The following GXYLT2 variants were observed in gnomAD, a reference collection of about 807,000 sequenced individuals.
The protein encoded by GXYLT2 is glycosyltransferase 8 domain containing 4.
In GXYLT2, 53 loss-of-function variants were observed where a neutral mutation model predicts 45.8. The ratio of observed to expected loss-of-function variants is 1.16; its 90% CI spans 0.93 to 1.46. The LOEUF (loss-of-function observed/expected upper bound fraction) is 1.46. Ranked by LOEUF, GXYLT2 falls within the 40% of genes most tolerant of loss-of-function variation. The probability of loss-of-function intolerance (pLI) is 0.00; values close to 1 mark genes in which losing one functional copy is unlikely to be tolerated. For missense variants in GXYLT2, 551 were observed against 544.4 expected (o/e 1.01, Z -0.12); for synonymous variants, 219 against 214.2 (o/e 1.02, Z -0.19).
At chr3:72,921,283 C>G (rs1482637971) in intron 2 of GXYLT2, among the ~76,000 whole-genome samples, 1 of 151,962 alleles carries the variant, frequency 6.6e-6, no homozygotes, top group African/African-American at 2.4e-5. Context: ...TAACAGAACA[C>G]AATGCAGTCA....
chr3:72,905,174 G>A (rs1448707499), intron 1 of GXYLT2, among the ~76,000 whole-genome samples: 1 of 151,784 alleles, frequency 6.6e-6, no homozygotes, highest in Non-Finnish European at 1.5e-5. Context: ...CTGGAGTGCA[G>A]TGGCACGATC....
At chr3:72,945,325 G>A (rs556037343) in intron 3 of GXYLT2, among the ~76,000 whole-genome samples, 5 of 141,460 alleles carry the variant, frequency 3.5e-5, no homozygotes, top group Admixed American at 6.9e-5. Context: ...AAATAATAGT[G>A]TTTCTGAGTG....
intron 1 of GXYLT2, among the ~76,000 whole-genome samples, chr3:72,899,256 A>G (rs1002191041): frequency 6.6e-6 from 1 of 152,162 alleles, no homozygotes; most frequent in Non-Finnish European, 1.5e-5. Context: ...CATGCGTTAG[A>G]CCTAGACTTT....
Position 72,976,546 on chromosome 3 carries a change from C to G in GXYLT2, c.*1387C>G, listed in dbSNP as rs977144368. On this transcript the variant is annotated 3_prime_UTR_variant, in exon 7 of 7. Coordinates refer to ENST00000389617, the MANE Select transcript of GXYLT2 (RefSeq NM_001080393.2). ...GGTCTCTTTAAACAATTTCTTTCCC[C>G]CTAGGGTTACCTAGCTGGTCCATAC... 6.6e-6 allele frequency: 1 copy of G among 152,056 alleles called. No individual in the cohort carries two copies. The highest frequency in any genetic ancestry group is 2.4e-5 in the African/African-American group (1 of 41,424). 9.4% of individuals were successfully genotyped at this position (152,056 alleles called of 1,614,324 possible).
intron 6 of GXYLT2, among the ~76,000 whole-genome samples, chr3:72,973,564 G>T (rs1226039774): frequency 1.3e-5 from 2 of 152,228 alleles, no homozygotes; most frequent in Non-Finnish European, 2.9e-5. Context: ...AAACACAAAG[G>T]CTATTTATTT....
intron 5 of GXYLT2, among the ~76,000 whole-genome samples, chr3:72,958,549 GT>G (rs1438340851): frequency 2.0e-5 from 3 of 151,580 alleles, no homozygotes; most frequent in African/African-American, 7.3e-5. Flanking sequence ...AAAAAAGCAG[GT>G]TGATACAGAG....
chr3:72,926,880 T>C (rs1709928402), intron 3 of GXYLT2: 1 of 152,200 alleles, frequency 6.6e-6, no homozygotes, highest in Non-Finnish European at 1.5e-5. Context: ...TTTAATAAGC[T>C]CCAAGGTTAT....
At chr3:72,928,163 G>A (rs943226384) in intron 3 of GXYLT2, among the ~76,000 whole-genome samples, 1 of 152,190 alleles carries the variant, frequency 6.6e-6, no homozygotes, top group African/African-American at 2.4e-5. Flanking sequence ...CTTCCAAAAT[G>A]GTGACATTAG....
In GXYLT2 at chr3:72,888,157, T is replaced by A. The variant is rs1042700484; in HGVS notation, c.-77T>A. The A allele has an allele frequency of 1.1e-5, 10 of 940,654 alleles. No individual in the cohort carries two copies. In the East Asian group the frequency reaches 5.9e-4, roughly 56 times the overall value. The allele number at this position is 940,654 out of a possible 1,614,324, so 58.3% of individuals were successfully genotyped here. ...GGAGGAGGCGACCGCCGCGCGCTGC[T>A]GCACTCATCCTGCCGCCGCCGCGAT... On this transcript the variant is annotated 5_prime_UTR_variant, in exon 1 of 7. Transcript: ENST00000389617.
At chr3:72,959,334 T>A (rs1372997670) in intron 5 of GXYLT2, among the ~76,000 whole-genome samples, 1 of 151,922 alleles carries the variant, frequency 6.6e-6, no homozygotes, top group Admixed American at 6.6e-5. Context: ...GCCAGGCTGG[T>A]CTCAAACTCC....
chr3:72,933,953 T>G (rs535949552), intron 3 of GXYLT2, among the ~76,000 whole-genome samples: 16 of 152,130 alleles, frequency 1.1e-4, no homozygotes, highest in Non-Finnish European at 1.6e-4. Context: ...TTGGGAGTTC[T>G]CAGAATGAAA....
chr3:72,915,563 C>T lies in GXYLT2; in HGVS notation c.469-6641C>T, dbSNP rs548493977. On this transcript the variant is annotated intron_variant, in intron 2 of 6. Coordinates refer to ENST00000389617, the MANE Select transcript of GXYLT2 (RefSeq NM_001080393.2). Reference sequence around the variant, plus strand: ...TTAAAGGTATTGAGGGAGCTGGGCGCGGGTGGCTCACGCCTGTAATCCCAG... The same window carrying T: ...TTAAAGGTATTGAGGGAGCTGGGCGTGGGTGGCTCACGCCTGTAATCCCAG... Among the ~76,000 whole-genome samples the T allele has an allele frequency of 2.6e-5, 4 of 151,864 alleles. No homozygotes were observed. In the South Asian group the frequency reaches 6.2e-4, roughly 24 times the overall value.
intron 3 of GXYLT2, chr3:72,929,203 A>C (rs1375643446): frequency 2.5e-5 from 40 of 1,586,194 alleles, no homozygotes; most frequent in Non-Finnish European, 3.3e-5. Flanking sequence ...ACTTTGCCAA[A>C]TACTTTCTTC....
At position 72,916,583 on chromosome 3, in the gene GXYLT2, A is replaced by G. The variant is rs138331365; in HGVS notation, c.469-5621A>G. ...GAGATAGAGTCTCGCTCTGTTGCCC[A>G]GGCTGGAGTGTAGTGGCGTGATCTC... On this transcript the variant is annotated intron_variant, in intron 2 of 6. Coordinates refer to ENST00000389617, the MANE Select transcript of GXYLT2 (RefSeq NM_001080393.2). Among the ~76,000 whole-genome samples, 501 of 152,222 alleles carry G rather than the reference A, an allele frequency of 3.3e-3. 3 individuals are homozygous for G. Among genetic ancestry groups the G allele is most frequent in the African/African-American group, 0.011 (474 of 41,510 alleles).
chr3:72,904,221 G>A (rs377188032), intron 1 of GXYLT2, among the ~76,000 whole-genome samples: 1 of 152,336 alleles, frequency 6.6e-6, no homozygotes, highest in African/African-American at 2.4e-5. Context: ...TCATTCAAGG[G>A]GTTAAGAAGT....
chr3:72,894,743 G>A (rs1709251445), intron 1 of GXYLT2, among the ~76,000 whole-genome samples: 2 of 152,224 alleles, frequency 1.3e-5, no homozygotes, highest in African/African-American at 4.8e-5. Context: ...CATGAAGATT[G>A]CCAGGTGGAG....
chr3:72,929,018 C>T (rs1380288904), intron 3 of GXYLT2: 8 of 1,387,138 alleles, frequency 5.8e-6, no homozygotes, highest in Non-Finnish European at 8.1e-6. Flanking sequence ...GCGCAGCCAC[C>T]GCCGCCTCTC....
chr3:72,905,391 G>A (rs1205935513), intron 1 of GXYLT2, among the ~76,000 whole-genome samples: 2 of 152,154 alleles, frequency 1.3e-5, no homozygotes, highest in Non-Finnish European at 2.9e-5. Flanking sequence ...GGGATTATAG[G>A]CATGAGCCAC....
At chr3:72,936,987 G>A (rs571371629) in intron 3 of GXYLT2, among the ~76,000 whole-genome samples, 1 of 152,288 alleles carries the variant, frequency 6.6e-6, no homozygotes, top group South Asian at 2.1e-4. Context: ...TAAATAATTG[G>A]AATTGGTGGT....
Sources: gnomAD v4.1 joint callset for allele counts (sites outside exome capture counted in the v4.1 genomes callset) on GRCh38, gnomAD v4.1.1 for gene constraint, MANE v1.5 for transcripts, NCBI Gene and HGNC (gene_info 2026-07-23, HGNC 2026-07-21) for gene names.